The following ATP2C1 variants were observed in gnomAD, a reference collection of about 807,000 sequenced individuals.
The protein encoded by ATP2C1 is ATPase secretory pathway Ca2+ transporting 1.
ATP2C1 carries 31 observed loss-of-function variants against 120.5 expected under a neutral mutation model. That is an observed-to-expected ratio of 0.26 (90% confidence interval 0.19 to 0.35). The LOEUF (loss-of-function observed/expected upper bound fraction) is 0.35, where lower values mean the gene tolerates loss of function less well. Ranked by LOEUF, ATP2C1 falls within the 10% of genes least tolerant of loss-of-function variation. ATP2C1 has a pLI of 1.00. For synonymous variants in ATP2C1, 351 were observed against 358.7 expected, an observed-to-expected ratio of 0.98 and a Z score of 0.24; for missense variants, 731 against 1,107.5, an observed-to-expected ratio of 0.66 and a Z score of 4.83.
chr3:130,858,244 A>G (rs2067907454), intron 1 of ATP2C1, among the ~76,000 whole-genome samples: 1 of 152,152 alleles, frequency 6.6e-6, no homozygotes, highest in Non-Finnish European at 1.5e-5. Flanking sequence ...ACATCCAGGA[A>G]CAATACTTTG....
chr3:130,930,225 G>C (rs1317507464), intron 2 of ATP2C1, 191 bp from the exon 3 acceptor site: 5 of 605,280 alleles, frequency 8.3e-6, no homozygotes, highest in Middle Eastern at 9.0e-4. Context: ...TTTTTGAAAT[G>C]TAATTTCTTG....
At chr3:130,959,377 G>A in intron 12 of ATP2C1, 36 bp downstream of exon 12, 1 of 1,446,848 alleles carries the variant, frequency 6.9e-7, no homozygotes. Context: ...AGTCTCTTTT[G>A]CCTCTTTTAT....
chr3:130,991,399 G>A (rs945821592), intron 20 of ATP2C1, among the ~76,000 whole-genome samples: 1 of 152,166 alleles, frequency 6.6e-6, no homozygotes, highest in Non-Finnish European at 1.5e-5. Context: ...GTATGATCAT[G>A]GGATGGATTC....
At chr3:130,995,855 A>C (rs2062594875) in intron 22 of ATP2C1, among the ~76,000 whole-genome samples, 188 bp from the exon 23 acceptor site, 1 of 152,146 alleles carries the variant, frequency 6.6e-6, no homozygotes, top group South Asian at 2.1e-4. Context: ...CATGGTGGCC[A>C]GGCTGGTCCG....
At chr3:130,927,535 C>G (rs924231911) in intron 2 of ATP2C1, among the ~76,000 whole-genome samples, 3 of 152,168 alleles carry the variant, frequency 2.0e-5, no homozygotes, top group Non-Finnish European at 2.9e-5. Flanking sequence ...ACCACCATGC[C>G]CGGCCTTTTT....
chr3:130,983,652 T>A (rs1339982969), intron 20 of ATP2C1, among the ~76,000 whole-genome samples: 2 of 152,232 alleles, frequency 1.3e-5, no homozygotes, highest in African/African-American at 2.4e-5. Flanking sequence ...AATCCCTGTG[T>A]TTGACGTTTT....
At chr3:130,884,608 C>A (rs1253072691) in intron 1 of ATP2C1, among the ~76,000 whole-genome samples, 1 of 152,036 alleles carries the variant, frequency 6.6e-6, no homozygotes. Context: ...TGTTTAAGTC[C>A]CCAGCTATTT....
intron 1 of ATP2C1, among the ~76,000 whole-genome samples, chr3:130,879,508 T>C (rs1455604626): frequency 1.3e-5 from 2 of 152,250 alleles, no homozygotes; most frequent in Non-Finnish European, 2.9e-5. Context: ...AAGATAATTA[T>C]TTTGAATTTC....
At chr3:130,958,665 A>G (rs2060686017) in intron 11 of ATP2C1, among the ~76,000 whole-genome samples, 1 of 152,194 alleles carries the variant, frequency 6.6e-6, no homozygotes, top group Non-Finnish European at 1.5e-5. Context: ...TTTCAAAGAT[A>G]AAAGGTTAAA....
intron 2 of ATP2C1, among the ~76,000 whole-genome samples, chr3:130,928,734 G>T (rs899927932): frequency 6.6e-6 from 1 of 152,062 alleles, no homozygotes; most frequent in Non-Finnish European, 1.5e-5. Flanking sequence ...TTATCCCCAG[G>T]TTATATATAT....
chr3:130,918,241 C>T, intron 2 of ATP2C1: 1 of 1,496,370 alleles, frequency 6.7e-7, no homozygotes, highest in Non-Finnish European at 9.3e-7. Flanking sequence ...AACAAGAGCC[C>T]TCTCCTTGGC....
chr3:130,937,507 C>T, intron 6 of ATP2C1, 44 bp downstream of exon 6: 2 of 1,549,496 alleles, frequency 1.3e-6, no homozygotes, highest in South Asian at 1.1e-5. Context: ...ATGTTAATTG[C>T]TTAAAAATCA....
At chr3:131,007,840 C>T (rs79121969), downstream of ATP2C1, among the ~76,000 whole-genome samples, 4,089 of 152,238 alleles carry the variant, frequency 0.027, 191 homozygotes, top group African/African-American at 0.093. Flanking sequence ...ATATGTGCAT[C>T]TTACAAATAG....
intron 1 of ATP2C1, among the ~76,000 whole-genome samples, chr3:130,867,357 C>T (rs1293649384): frequency 2.7e-5 from 4 of 145,490 alleles, no homozygotes; most frequent in East Asian, 2.1e-4. Context: ...CCTCTGATGC[C>T]GAGCCAAAGC....
Position 131,001,226 on chromosome 3 carries a change from T to C in ATP2C1, c.2636T>C (p.Leu879Ser). 6.2e-7 allele frequency: 1 copy of C among 1,613,690 alleles called. No individual in the cohort carries two copies. Residue 879 changes from leucine to serine, a missense_variant, in exon 28 of 28, where the codon TTG (leucine) becomes TCG (serine). This residue lies in a region of ATP2C1 where 141 missense variants were observed against 201.6 expected (regional missense o/e 0.70). Transcript: ENST00000510168. ...AACTTATTTTCTCTTGCAGATCTGT[T>C]GTTTCTTTTGGGTCTCACCTCATCA... Reference protein sequence around the residue: ...QTESLSILDLLFLLGLTSSVC... With the variant: ...QTESLSILDLSFLLGLTSSVC...
chr3:130,980,715 C>T, intron 20 of ATP2C1, 36 bp downstream of exon 20: 3 of 1,425,814 alleles, frequency 2.1e-6, no homozygotes, highest in Non-Finnish European at 3.0e-6. Flanking sequence ...ACTGAAAGGC[C>T]TTATTCTAAG....
chr3:130,868,120 G>C (rs1451978821), intron 1 of ATP2C1: 1 of 119,020 alleles, frequency 8.4e-6, no homozygotes, highest in Non-Finnish European at 1.8e-5. Context: ...GGAGGGAGGT[G>C]GGGGGGCTCA....
intron 1 of ATP2C1, among the ~76,000 whole-genome samples, chr3:130,881,788 A>G (rs2068789698): frequency 6.6e-6 from 1 of 152,116 alleles, no homozygotes; most frequent in South Asian, 2.1e-4. Context: ...GGTTAAGTTA[A>G]TTTCTAGGGA....
rs921870756 is a variant in ATP2C1 at position 130,940,669 on chromosome 3, C to G, written c.400C>G (p.Leu134Val). Residue 134 changes from leucine (L) to valine (V), a missense_variant, in exon 7 of 28, where the codon CTT becomes GTT. This residue lies in a region of ATP2C1 where 571 missense variants were observed against 845.9 expected (regional missense o/e 0.67). Coordinates refer to ENST00000510168, the MANE Select transcript of ATP2C1 (RefSeq NM_001378687.1). ...SEKSLEELSK[L>V]VPPECHCVRE... is the part of the protein sequence containing the mutation. ...AAAATCTCTTGAAGAATTGAGTAAA[C>G]TTGTGCCACCAGAATGCCATTGGTA... The G allele has an allele frequency of 1.9e-6, 3 of 1,612,394 alleles. No homozygotes were observed. Among genetic ancestry groups the G allele is most frequent in the African/African-American group, 2.7e-5 (2 of 74,850 alleles).
Sources: allele counts gnomAD v4.1 joint callset (sites outside exome capture counted in the v4.1 genomes callset), GRCh38; gene constraint gnomAD v4.1.1; regional missense constraint gnomAD v4.1.1; transcripts MANE v1.5; gene names NCBI Gene and HGNC (gene_info 2026-07-23, HGNC 2026-07-21).